Variants in HCN1 observed in about 807,000 individuals in gnomAD.
HCN1 encodes the protein potassium/sodium hyperpolarization-activated cyclic nucleotide-gated channel 1.
Under a neutral mutation model 78.9 loss-of-function variants are expected in HCN1, and 13 were observed. That is an observed-to-expected ratio of 0.16 (90% CI 0.11 to 0.26). The LOEUF (loss-of-function observed/expected upper bound fraction) is 0.26, where lower values mean the gene tolerates loss of function less well. Among genes scored for constraint, HCN1 ranks in the 10% least tolerant of loss-of-function variants. The pLI is 1.00. For missense variants in HCN1, 810 were observed against 1,154.3 expected (o/e 0.70, Z 4.32); for synonymous variants, 552 against 455.5 (o/e 1.21, Z -2.70).
At chr5:45,413,028 G>A (rs898997226) in intron 3 of HCN1, among the ~76,000 whole-genome samples, 1 of 152,010 alleles carries the variant, frequency 6.6e-6, no homozygotes, top group African/African-American at 2.4e-5. Flanking sequence ...AATGGGGAAT[G>A]ATTCAAAGGG....
At chr5:45,553,148 G>T (rs189717302) in intron 2 of HCN1, among the ~76,000 whole-genome samples, 189 of 151,896 alleles carry the variant, frequency 1.2e-3, no homozygotes, top group African/African-American at 4.5e-3. Context: ...CACCTGCCCA[G>T]AAATCTCATC....
At chr5:45,539,958 AT>A (rs1329334105) in intron 2 of HCN1, among the ~76,000 whole-genome samples, 4 of 124,482 alleles carry the variant, frequency 3.2e-5, no homozygotes, top group African/African-American at 1.2e-4. Context: ...ATATATATAT[AT>A]AAAATGTTTA....
intron 2 of HCN1, among the ~76,000 whole-genome samples, chr5:45,543,681 A>C (rs1446560004): frequency 1.3e-5 from 2 of 152,088 alleles, no homozygotes; most frequent in Non-Finnish European, 2.9e-5. Context: ...GCTTCCATAC[A>C]ATGTGTATTA....
At chr5:45,485,605 GAT>G (rs1741740749) in intron 2 of HCN1, among the ~76,000 whole-genome samples, 1 of 152,074 alleles carries the variant, frequency 6.6e-6, no homozygotes, top group African/African-American at 2.4e-5. Flanking sequence ...TCATAAAAGT[GAT>G]ATGTTTCTTT....
intron 3 of HCN1, among the ~76,000 whole-genome samples, chr5:45,435,339 A>C (rs1045320790): frequency 5.3e-5 from 8 of 152,234 alleles, no homozygotes; most frequent in African/African-American, 1.9e-4. Context: ...TGCATATTTC[A>C]CTTTAAAATT....
chr5:45,417,092 G>GAGAA (rs927996975), intron 3 of HCN1, among the ~76,000 whole-genome samples: 9 of 151,884 alleles, frequency 5.9e-5, no homozygotes, highest in African/African-American at 1.9e-4. Context: ...CAGTAGTAAT[G>GAGAA]AGAACATTCA....
Position 45,353,094 on chromosome 5 carries a change from T to G in HCN1, c.1377+6A>C. The stretch of plus-strand genomic sequence containing the variant: ...TATTATGCATACTGAGGACAATAAA[T>G]CTTACCTCTCTCAGAGGATCATTGA... On this transcript the variant is annotated splice_donor_region_variant and intron_variant, in intron 5 of 7. Transcript: ENST00000303230. 1 of 1,607,298 alleles carries G rather than the reference T, an allele frequency of 6.2e-7. No homozygotes were observed. The highest frequency in any genetic ancestry group is 8.5e-7 in the Non-Finnish European group (1 of 1,175,372).
At chr5:45,582,139 C>T (rs1473073529) in intron 2 of HCN1, among the ~76,000 whole-genome samples, 1 of 152,090 alleles carries the variant, frequency 6.6e-6, no homozygotes, top group African/African-American at 2.4e-5. Context: ...GGTATTGATT[C>T]TTCCTACCCA....
chr5:45,368,971 A>T (rs577154105), intron 4 of HCN1, among the ~76,000 whole-genome samples: 1 of 151,960 alleles, frequency 6.6e-6, no homozygotes, highest in East Asian at 1.9e-4. Context: ...TCCCTCATTC[A>T]CCTTCATAGC....
intron 5 of HCN1, among the ~76,000 whole-genome samples, chr5:45,323,023 A>G (rs1746153786): frequency 6.6e-6 from 1 of 151,874 alleles, no homozygotes. Flanking sequence ...ATTTAACGTT[A>G]ACCCATTTAA....
intron 3 of HCN1, among the ~76,000 whole-genome samples, chr5:45,433,790 A>G (rs1221207473): frequency 2.0e-5 from 3 of 152,176 alleles, no homozygotes; most frequent in Admixed American, 1.3e-4. Flanking sequence ...AGGAGAAGCA[A>G]AAGTGAAAAA....
intron 5 of HCN1, among the ~76,000 whole-genome samples, chr5:45,327,076 T>C (rs1226001600): frequency 6.6e-6 from 1 of 151,672 alleles, no homozygotes; most frequent in Non-Finnish European, 1.5e-5. Context: ...CTTTACTATG[T>C]GGTATCAGGT....
At chr5:45,357,805 G>A (rs973720922) in intron 4 of HCN1, among the ~76,000 whole-genome samples, 3 of 152,008 alleles carry the variant, frequency 2.0e-5, no homozygotes, top group Non-Finnish European at 4.4e-5. Context: ...CAGTGTTGTA[G>A]GTGGGACCTA....
At chr5:45,507,676 G>T (rs1020766822) in intron 2 of HCN1, among the ~76,000 whole-genome samples, 1 of 152,034 alleles carries the variant, frequency 6.6e-6, no homozygotes, top group Non-Finnish European at 1.5e-5. Context: ...GGTGACCCAC[G>T]GATTACACGA....
intron 6 of HCN1, among the ~76,000 whole-genome samples, chr5:45,269,271 C>A (rs1376777680): frequency 5.9e-5 from 9 of 152,142 alleles, no homozygotes; most frequent in Admixed American, 5.9e-4. Flanking sequence ...TATTTGAATT[C>A]TACACTTTAA....
chr5:45,307,798 C>T (rs141633852), intron 5 of HCN1, among the ~76,000 whole-genome samples: 2 of 151,944 alleles, frequency 1.3e-5, no homozygotes, highest in Non-Finnish European at 2.9e-5. Flanking sequence ...GAGTAATGTT[C>T]GGACTTAATA....
chr5:45,262,841 A>G, intron 7 of HCN1, 31 bp from the exon 8 acceptor site: 1 of 1,611,292 alleles, frequency 6.2e-7, no homozygotes, highest in Non-Finnish European at 8.5e-7. Context: ...GGCACTTAGA[A>G]AGCCTACCAA....
intron 4 of HCN1, among the ~76,000 whole-genome samples, chr5:45,371,703 G>A (rs537974106): frequency 2.0e-5 from 3 of 148,780 alleles, no homozygotes; most frequent in Non-Finnish European, 4.4e-5. Context: ...GTTGCAGTGA[G>A]CCAAGATAGC....
chr5:45,473,055 C>A (rs1561168034), intron 2 of HCN1, among the ~76,000 whole-genome samples: 3 of 151,920 alleles, frequency 2.0e-5, no homozygotes, highest in Admixed American at 2.0e-4. Context: ...CTCCTGCTCT[C>A]TTTTCCTTGC....
Sources: gnomAD v4.1 joint callset for allele counts (sites outside exome capture counted in the v4.1 genomes callset) on GRCh38, gnomAD v4.1.1 for gene constraint, MANE v1.5 for transcripts, NCBI Gene and HGNC (gene_info 2026-07-23, HGNC 2026-07-21) for gene names.